CSGALNACT1: variants seen among roughly 807,000 people sequenced by gnomAD.
CSGALNACT1 encodes chondroitin sulfate N-acetylgalactosaminyltransferase 1.
A neutral mutation model predicts 51.0 loss-of-function variants in CSGALNACT1; 52 were observed. That is an observed-to-expected ratio of 1.02 (90% CI 0.82 to 1.29). CSGALNACT1 has a LOEUF of 1.29. CSGALNACT1 is among the 50% of genes most tolerant of loss of function. CSGALNACT1 has a pLI of 0.00. For missense variants in CSGALNACT1, 935 were observed against 679.2 expected (o/e 1.38, Z -4.19); for synonymous variants, 341 against 254.4 (o/e 1.34, Z -3.24).
At chr8:19,544,898 C>A (rs769071932) in intron 3 of CSGALNACT1, among the ~76,000 whole-genome samples, 1 of 152,088 alleles carries the variant, frequency 6.6e-6, no homozygotes, top group African/African-American at 2.4e-5. Context: ...AAGAGGCTAT[C>A]GTTTACACAC....
intron 1 of CSGALNACT1, among the ~76,000 whole-genome samples, chr8:19,753,972 G>A (rs948187739): frequency 6.6e-6 from 1 of 152,096 alleles, no homozygotes; most frequent in African/African-American, 2.4e-5. Flanking sequence ...TAGAAGAAAG[G>A]TGACTTTCAG....
chr8:19,555,271 A>G (rs891427436), intron 3 of CSGALNACT1, among the ~76,000 whole-genome samples: 18 of 152,188 alleles, frequency 1.2e-4, no homozygotes, highest in African/African-American at 4.3e-4. Flanking sequence ...GAAAAGAAAA[A>G]GAAGGGTCAG....
intron 8 of CSGALNACT1, among the ~76,000 whole-genome samples, chr8:19,409,494 T>C (rs2055158275): frequency 9.2e-6 from 1 of 108,874 alleles, no homozygotes; most frequent in African/African-American, 3.1e-5. Flanking sequence ...TACATATATA[T>C]ATATATAGAG....
At chr8:19,693,901 A>G (rs1163071179) in intron 1 of CSGALNACT1, among the ~76,000 whole-genome samples, 1 of 151,810 alleles carries the variant, frequency 6.6e-6, no homozygotes, top group East Asian at 1.9e-4. Context: ...CTCAATACAT[A>G]TTTTCTATTT....
intron 1 of CSGALNACT1, among the ~76,000 whole-genome samples, chr8:19,631,807 A>T (rs1015125426): frequency 5.9e-5 from 9 of 152,346 alleles, no homozygotes; most frequent in Admixed American, 2.6e-4. Flanking sequence ...AGCTTCTCAG[A>T]TTTAAACAAG....
upstream of CSGALNACT1, among the ~76,000 whole-genome samples, chr8:19,684,613 C>G (rs536952392): frequency 3.0e-3 from 454 of 152,112 alleles, 1 homozygote; most frequent in African/African-American, 0.011. Context: ...CTGAAGGTAT[C>G]GAGCCACCCT....
intron 4 of CSGALNACT1, among the ~76,000 whole-genome samples, chr8:19,459,847 G>A (rs2064990893): frequency 1.3e-5 from 2 of 152,188 alleles, no homozygotes; most frequent in Non-Finnish European, 2.9e-5. Flanking sequence ...AAGGTAGAGA[G>A]GCAGGAGAGA....
At chr8:19,674,324 A>G (rs546915676) in intron 1 of CSGALNACT1, among the ~76,000 whole-genome samples, 2 of 152,242 alleles carry the variant, frequency 1.3e-5, no homozygotes, top group South Asian at 4.1e-4. Context: ...GGTCTGATGA[A>G]TGCAGTGAAT....
At chr8:19,711,025 C>A (rs941189073) in intron 1 of CSGALNACT1, among the ~76,000 whole-genome samples, 2 of 152,146 alleles carry the variant, frequency 1.3e-5, no homozygotes, top group East Asian at 3.8e-4. Context: ...CCACCCACCC[C>A]CTGCTGCTAT....
At chr8:19,648,477 A>T (rs1046140476) in intron 1 of CSGALNACT1, among the ~76,000 whole-genome samples, 9 of 152,212 alleles carry the variant, frequency 5.9e-5, no homozygotes, top group African/African-American at 2.2e-4. Flanking sequence ...ACATGTACAC[A>T]TCGATTTCAC....
At chr8:19,407,671 T>A (rs1435234752) in intron 9 of CSGALNACT1, among the ~76,000 whole-genome samples, 1 of 152,162 alleles carries the variant, frequency 6.6e-6, no homozygotes, top group Non-Finnish European at 1.5e-5. Flanking sequence ...CTCACCTAGA[T>A]CCCAAGGGCC....
chr8:19,505,820 G>C, exon 4 of CSGALNACT1: 4 of 1,612,006 alleles, frequency 2.5e-6, no homozygotes, highest in Non-Finnish European at 3.4e-6. Flanking sequence ...GCAGCCCCCG[G>C]CGAACCATCA....
intron 4 of CSGALNACT1, among the ~76,000 whole-genome samples, chr8:19,497,109 C>T (rs1056246887): frequency 1.3e-5 from 2 of 152,288 alleles, no homozygotes; most frequent in African/African-American, 4.8e-5. Flanking sequence ...CAGGAAAATA[C>T]CCTAAGACCC....
intron 1 of CSGALNACT1, among the ~76,000 whole-genome samples, chr8:19,618,266 G>A (rs1278770268): frequency 2.0e-5 from 3 of 152,004 alleles, no homozygotes; most frequent in African/African-American, 7.3e-5. Flanking sequence ...TCTATGTCTC[G>A]GCAAAATATA....
intron 1 of CSGALNACT1, among the ~76,000 whole-genome samples, chr8:19,636,684 A>G (rs2056110274): frequency 6.6e-6 from 1 of 152,160 alleles, no homozygotes; most frequent in East Asian, 1.9e-4. Flanking sequence ...TGCTGTCCCC[A>G]AATGGAGTGA....
chr8:19,528,928 G>A (rs1414975514), intron 3 of CSGALNACT1, among the ~76,000 whole-genome samples: 1 of 152,174 alleles, frequency 6.6e-6, no homozygotes, highest in Non-Finnish European at 1.5e-5. Flanking sequence ...GACTGGGGAA[G>A]GGCACACAGC....
At position 19,579,679 on chromosome 8, in the gene CSGALNACT1, A is replaced by G. The variant is rs376595691; in HGVS notation, c.-297+11481T>C. The stretch of plus-strand genomic sequence containing the variant: ...TAGGTTCTAGCATGTTCAACACTGA[A>G]TAAACAGAAAGTTAAAGGATGAATG... On this transcript the variant is annotated intron_variant, in intron 3 of 9. Transcript: ENST00000454498. Among the ~76,000 whole-genome samples the G allele has an allele frequency of 1.2e-4, 19 of 152,370 alleles. 2 individuals are homozygous for G. Among genetic ancestry groups the G allele is most frequent in the Admixed American group, 6.5e-4 (10 of 15,304 alleles).
chr8:19,750,679 T>C (rs1273723869), intron 1 of CSGALNACT1, among the ~76,000 whole-genome samples: 1 of 152,172 alleles, frequency 6.6e-6, no homozygotes, highest in African/African-American at 2.4e-5. Context: ...AAACCCCAGG[T>C]TGTCCACCAC....
intron 1 of CSGALNACT1, among the ~76,000 whole-genome samples, chr8:19,727,842 T>C (rs2063488530): frequency 6.6e-6 from 1 of 152,214 alleles, no homozygotes; most frequent in Non-Finnish European, 1.5e-5. Flanking sequence ...GTCCTGCCTC[T>C]GCCCTGAGGC....
Sources: allele counts gnomAD v4.1 joint callset (sites outside exome capture counted in the v4.1 genomes callset), GRCh38; gene constraint gnomAD v4.1.1; transcripts MANE v1.5; gene names NCBI Gene and HGNC (gene_info 2026-07-23, HGNC 2026-07-21).